The following ZBTB16 variants were observed in gnomAD, a reference collection of about 807,000 sequenced individuals.
ZBTB16 encodes zinc finger and BTB domain-containing protein 16.
In ZBTB16, 8 loss-of-function variants were observed where a neutral mutation model predicts 56.8. That is an observed-to-expected ratio of 0.14 (90% CI 0.08 to 0.25). The LOEUF is 0.25. Ranked by LOEUF, ZBTB16 falls within the 10% of genes least tolerant of loss-of-function variation. The pLI, the probability that ZBTB16 is intolerant of heterozygous loss-of-function variation, is 1.00. For synonymous variants in ZBTB16, 363 were observed against 368.5 expected, an observed-to-expected ratio of 0.98 and a Z score of 0.17; for missense variants, 625 against 903.0, an observed-to-expected ratio of 0.69 and a Z score of 3.95.
At chr11:114,173,754 T>C (rs1943033748) in intron 3 of ZBTB16, among the ~76,000 whole-genome samples, 1 of 152,194 alleles carries the variant, frequency 6.6e-6, no homozygotes, top group Non-Finnish European at 1.5e-5. Flanking sequence ...AGAGAAGATG[T>C]AATCAAAGGA....
chr11:114,145,574 A>G (rs907887821), intron 2 of ZBTB16, among the ~76,000 whole-genome samples: 1 of 152,220 alleles, frequency 6.6e-6, no homozygotes, highest in Admixed American at 6.5e-5. Flanking sequence ...TTTATATGAA[A>G]TGTTCAAAAT....
At chr11:114,138,507 A>G (rs4936289) in intron 2 of ZBTB16, among the ~76,000 whole-genome samples, 50,268 of 151,756 alleles carry the variant, frequency 0.33, 9,005 homozygotes, top group Admixed American at 0.42. Context: ...TTACATACAT[A>G]TGTCTTGCAT....
chr11:114,163,061 C>T (rs893778761), intron 3 of ZBTB16, among the ~76,000 whole-genome samples: 10 of 152,110 alleles, frequency 6.6e-5, no homozygotes, highest in African/African-American at 2.2e-4. Context: ...GCTTGACTAC[C>T]GTCCAAGCCC....
intron 2 of ZBTB16, among the ~76,000 whole-genome samples, chr11:114,144,177 G>GACACACACAC (rs56679355): frequency 6.5e-4 from 94 of 145,062 alleles, no homozygotes; most frequent in Non-Finnish European, 9.0e-4. Context: ...GTGTTTGCCA[G>GACACACACAC]ACACACACAC....
At chr11:114,218,570 C>A (rs1394969945) in intron 4 of ZBTB16, among the ~76,000 whole-genome samples, 1 of 152,186 alleles carries the variant, frequency 6.6e-6, no homozygotes, top group African/African-American at 2.4e-5. Flanking sequence ...TTTTTCTTTT[C>A]TCATAAAGAC....
At chr11:114,096,096 T>C (rs1004616757) in intron 2 of ZBTB16, among the ~76,000 whole-genome samples, 3 of 152,184 alleles carry the variant, frequency 2.0e-5, no homozygotes, top group Non-Finnish European at 4.4e-5. Context: ...AAAAGAAAAG[T>C]TTATTCTATG....
intron 2 of ZBTB16, among the ~76,000 whole-genome samples, chr11:114,142,622 A>G (rs566064754): frequency 6.6e-6 from 1 of 152,326 alleles, no homozygotes; most frequent in South Asian, 2.1e-4. Flanking sequence ...TTTCTGTCAC[A>G]TTTCCTAACC....
At chr11:114,150,964 C>G in intron 2 of ZBTB16, among the ~76,000 whole-genome samples, 1 of 152,204 alleles carries the variant, frequency 6.6e-6, no homozygotes, top group East Asian at 1.9e-4. Flanking sequence ...TGCATGGTGG[C>G]TGGGTAAGTA....
chr11:114,116,043 G>A (rs1221276158), intron 2 of ZBTB16, among the ~76,000 whole-genome samples: 3 of 152,178 alleles, frequency 2.0e-5, no homozygotes, highest in Non-Finnish European at 4.4e-5. Flanking sequence ...TCTTTTATTT[G>A]CAAGAAAATT....
At chr11:114,176,320 A>G (rs775489062) in intron 3 of ZBTB16, among the ~76,000 whole-genome samples, 1 of 152,156 alleles carries the variant, frequency 6.6e-6, no homozygotes, top group Non-Finnish European at 1.5e-5. Flanking sequence ...CCCTGGCTTT[A>G]TTATCCAGCC....
chr11:114,119,567 G>C, intron 2 of ZBTB16, among the ~76,000 whole-genome samples: 1 of 152,078 alleles, frequency 6.6e-6, no homozygotes, highest in East Asian at 1.9e-4. Context: ...TTTTGTATGG[G>C]GGTTGTAGGA....
chr11:114,103,254 T>C (rs1025253524), intron 2 of ZBTB16, among the ~76,000 whole-genome samples: 4 of 152,094 alleles, frequency 2.6e-5, no homozygotes, highest in Admixed American at 1.3e-4. Context: ...GGAATTAAGA[T>C]AGATGGTGAC....
At chr11:114,195,686 C>A (rs980533670) in intron 4 of ZBTB16, among the ~76,000 whole-genome samples, 2 of 152,140 alleles carry the variant, frequency 1.3e-5, no homozygotes, top group African/African-American at 2.4e-5. Context: ...CAATTCCAGC[C>A]CCATCACAGA....
intron 4 of ZBTB16, among the ~76,000 whole-genome samples, chr11:114,204,583 C>T (rs1224690941): frequency 6.6e-6 from 1 of 152,106 alleles, no homozygotes; most frequent in Admixed American, 6.5e-5. Context: ...TCGTTTTTTT[C>T]TCCCCATGAT....
intron 4 of ZBTB16, among the ~76,000 whole-genome samples, chr11:114,229,971 G>A (rs528184211): frequency 1.3e-5 from 2 of 152,268 alleles, no homozygotes; most frequent in South Asian, 4.2e-4. Flanking sequence ...TCTGAACGCA[G>A]TGAAATCAGA....
intron 2 of ZBTB16, among the ~76,000 whole-genome samples, chr11:114,134,558 C>T (rs1299561211): frequency 6.6e-6 from 1 of 152,026 alleles, no homozygotes; most frequent in Non-Finnish European, 1.5e-5. Flanking sequence ...TAGATATAGC[C>T]CTTTATACTT....
In ZBTB16 at chr11:114,060,143, G is replaced by A. The variant is rs1319109230; in HGVS notation, c.-91+261G>A. 4.9e-6 allele frequency: 1 copy of A among 203,962 alleles called. No homozygotes were observed. 12.6% of individuals were successfully genotyped at this position (203,962 alleles called of 1,614,324 possible). ...CCTTCCTCTTCAGGGCACGGTCGGG[G>A]TGAGAGGTGGGGGGCGTAGCGGTGT... On this transcript the variant is annotated intron_variant, in intron 1 of 6. Transcript: ENST00000335953. The surrounding 1 kb of genome is among the most constrained non-coding windows in gnomAD (Gnocchi z 6.0).
At chr11:114,090,780 C>A (rs1232640123) in intron 2 of ZBTB16, among the ~76,000 whole-genome samples, 3 of 152,212 alleles carry the variant, frequency 2.0e-5, no homozygotes, top group East Asian at 1.9e-4. Flanking sequence ...GGGTTCCCTG[C>A]TGCCCTATTC....
At chr11:114,120,345 T>G (rs1941306834) in intron 2 of ZBTB16, among the ~76,000 whole-genome samples, 1 of 152,164 alleles carries the variant, frequency 6.6e-6, no homozygotes, top group Non-Finnish European at 1.5e-5. Flanking sequence ...TGGAAGCAAG[T>G]GAGGTTAAAG....
Sources: allele counts gnomAD v4.1 joint callset (sites outside exome capture counted in the v4.1 genomes callset), GRCh38; gene constraint gnomAD v4.1.1; non-coding constraint Gnocchi (gnomAD v3.1); transcripts MANE v1.5; gene names NCBI Gene and HGNC (gene_info 2026-07-23, HGNC 2026-07-21).